Variants in GALK1 observed in about 807,000 individuals in gnomAD.
The protein encoded by GALK1 is galactokinase 1.
Under a neutral mutation model 38.6 loss-of-function variants are expected in GALK1, and 30 were observed. The observed-to-expected ratio is 0.78, with a 90% CI of 0.58 to 1.05. The LOEUF is 1.05. Among genes scored for constraint, GALK1 ranks in the 50% least tolerant of loss-of-function variants. The probability of loss-of-function intolerance (pLI) is 0.00; values close to 1 mark genes in which losing one functional copy is unlikely to be tolerated. For synonymous variants in GALK1, 240 were observed against 233.6 expected (o/e 1.03, Z -0.25); for missense variants, 512 against 540.5 (o/e 0.95, Z 0.52).
rs761443332 is a variant in GALK1, at chr17:75,765,014, G to T, written c.123C>A (p.Ile41=). ...CCTGGTTGTAGTCCGTGTGTTCCCC[G>T]ATGAGGTTGACGCGGCCCGGCGCTG... is the stretch of plus-strand genomic sequence containing the variant. ...AVSAPGRVNL[I]GEHTDYNQGL... The change falls in exon 1 of 8, where the codon ATC becomes ATA. Residue 41 remains isoleucine, a synonymous_variant. Transcript: ENST00000588479. 3.7e-6 allele frequency: 6 copies of T among 1,610,852 alleles called. No individual in the cohort carries two copies. The Admixed American group carries it at 5.0e-5, about 13-fold the overall frequency.
intron 2 of GALK1, chr17:75,763,690 T>C: frequency 2.8e-6 from 2 of 702,968 alleles, no homozygotes; most frequent in Non-Finnish European, 4.8e-6. Context: ...AAGGCTGGGG[T>C]TCAAATCCTG....
intron 5 of GALK1, among the ~76,000 whole-genome samples, chr17:75,762,175 C>G (rs1028999990): frequency 6.6e-6 from 1 of 152,014 alleles, no homozygotes; most frequent in African/African-American, 2.4e-5. Context: ...AAAAATTAGC[C>G]GGGCATGGTG....
downstream of GALK1, chr17:75,756,848 C>T (rs768867399): frequency 6.2e-6 from 10 of 1,612,154 alleles, no homozygotes; most frequent in Admixed American, 1.7e-4. Flanking sequence ...TGTGAGATGG[C>T]CCAAGGAGGA....
At chr17:75,753,741 A>G, downstream of GALK1, 1 of 1,390,034 alleles carries the variant, frequency 7.2e-7, no homozygotes, top group Non-Finnish European at 9.4e-7. Flanking sequence ...GGCGGTGCCA[A>G]CGCGGCCCTT....
chr17:75,758,910 T>G (rs577064606), intron 5 of GALK1, among the ~76,000 whole-genome samples: 1 of 152,152 alleles, frequency 6.6e-6, no homozygotes, highest in Non-Finnish European at 1.5e-5. Context: ...GAAGTTCTGC[T>G]GAGCCACATG....
downstream of GALK1, chr17:75,753,939 G>C: frequency 7.8e-7 from 1 of 1,277,956 alleles, no homozygotes. Context: ...AAGGGCGGCA[G>C]CCTGCCCCGC....
At chr17:75,753,835 C>T (rs762271915), downstream of GALK1, 46 of 1,446,868 alleles carry the variant, frequency 3.2e-5, no homozygotes, top group African/African-American at 5.8e-5. Context: ...GGCGGCTGCC[C>T]CCGGAGCTCA....
downstream of GALK1, chr17:75,757,814 T>G (rs1438744097): frequency 1.5e-6 from 1 of 659,410 alleles, no homozygotes; most frequent in African/African-American, 1.8e-5. Context: ...GTTTTGCTAC[T>G]GCTAGGCCCT....
intron 1 of GALK1, chr17:75,764,540 G>C (rs1385225390): frequency 6.3e-6 from 3 of 474,954 alleles, no homozygotes; most frequent in Non-Finnish European, 1.2e-5. Flanking sequence ...AGTTCACTGG[G>C]CCTCTCTAGG....
chr17:75,757,454 G>A (rs202129173), downstream of GALK1: 94 of 1,612,310 alleles, frequency 5.8e-5, 1 homozygote, highest in East Asian at 3.3e-4. Context: ...GGAGGCAGGC[G>A]GCTCCCTCAC....
At chr17:75,756,689 C>T, downstream of GALK1, 1 of 1,613,518 alleles carries the variant, frequency 6.2e-7, no homozygotes, top group South Asian at 1.1e-5. Flanking sequence ...GATGCTCTTC[C>T]TCTACTGCCC....
downstream of GALK1, chr17:75,753,902 C>T (rs1388467015): frequency 1.5e-6 from 2 of 1,292,920 alleles, no homozygotes; most frequent in Admixed American, 4.1e-5. Flanking sequence ...GCCCCACGGG[C>T]CCCCGGACGA....
downstream of GALK1, chr17:75,756,516 G>T (rs770427712): frequency 7.4e-6 from 12 of 1,613,182 alleles, no homozygotes; most frequent in Admixed American, 1.0e-4. Context: ...TACGTGTTCC[G>T]CGTGCGGGCC....
At chr17:75,756,571 C>T (rs778353171), downstream of GALK1, 4 of 1,613,130 alleles carry the variant, frequency 2.5e-6, no homozygotes, top group South Asian at 2.2e-5. Context: ...GTGTCATCAC[C>T]ATTGAATCCC....
intron 5 of GALK1, among the ~76,000 whole-genome samples, chr17:75,762,146 A>T (rs1010846217): frequency 6.6e-6 from 1 of 152,206 alleles, no homozygotes; most frequent in African/African-American, 2.4e-5. Flanking sequence ...CAACACTGCA[A>T]GACCGTCTTT....
downstream of GALK1, among the ~76,000 whole-genome samples, chr17:75,753,437 G>C (rs534745908): frequency 6.6e-6 from 1 of 152,318 alleles, no homozygotes; most frequent in South Asian, 2.1e-4. Context: ...CTGAGTCTCG[G>C]AGAGGTTAAG....
intron 5 of GALK1, among the ~76,000 whole-genome samples, chr17:75,759,240 C>A (rs965420545): frequency 6.6e-6 from 1 of 152,012 alleles, no homozygotes. Context: ...CCAGCCTGGC[C>A]AACATGGCGA....
downstream of GALK1, chr17:75,757,540 G>A: frequency 6.2e-7 from 1 of 1,613,396 alleles, no homozygotes; most frequent in African/African-American, 1.3e-5. Context: ...TGGACCAACA[G>A]TTCTTCCAAA....
intron 1 of GALK1, chr17:75,764,443 T>C: frequency 1.8e-6 from 1 of 569,774 alleles, no homozygotes; most frequent in Non-Finnish European, 3.4e-6. Flanking sequence ...AAGCTGCAGA[T>C]GGGGCGGAAA....
Sources: allele counts gnomAD v4.1 joint callset (sites outside exome capture counted in the v4.1 genomes callset), GRCh38; gene constraint gnomAD v4.1.1; transcripts MANE v1.5; gene names NCBI Gene and HGNC (gene_info 2026-07-23, HGNC 2026-07-21).